SEMA3C: variants seen among roughly 807,000 people sequenced by gnomAD.
The protein encoded by SEMA3C is semaphorin 3C.
In SEMA3C, 47 loss-of-function variants were observed where a neutral mutation model predicts 89.4. That is an observed-to-expected ratio of 0.53 (90% CI 0.42 to 0.67). The LOEUF (loss-of-function observed/expected upper bound fraction) is 0.67. Among genes scored for constraint, SEMA3C ranks in the 30% least tolerant of loss-of-function variants. The pLI is 0.00. For synonymous variants in SEMA3C, 310 were observed against 320.2 expected (o/e 0.97, Z 0.34); for missense variants, 839 against 929.1 (o/e 0.90, Z 1.26).
chr7:80,791,618 C>G (rs1788942123), intron 11 of SEMA3C, among the ~76,000 whole-genome samples: 1 of 152,204 alleles, frequency 6.6e-6, no homozygotes, highest in South Asian at 2.1e-4. Context: ...GCAATGAACA[C>G]TTATCCAGCT....
At chr7:80,911,371 T>C (rs936803412) in intron 2 of SEMA3C, among the ~76,000 whole-genome samples, 1 of 152,188 alleles carries the variant, frequency 6.6e-6, no homozygotes, top group African/African-American at 2.4e-5. Context: ...AAAAGTAGTA[T>C]ACACCTAGGA....
rs919396094 is a variant in SEMA3C, at chr7:80,802,588, C to A, written c.916+77G>T. 8.1e-6 allele frequency: 7 copies of A among 866,084 alleles called. No homozygotes were observed. In the Admixed American group the frequency reaches 8.8e-5, roughly 11 times the overall value. 53.6% of individuals were successfully genotyped at this position (866,084 alleles called of 1,614,324 possible). A position where few individuals can be genotyped will look rare whatever the true frequency, so the allele number is the denominator to read the frequency against. On this transcript the variant is annotated intron_variant, in intron 9 of 17. Transcript: ENST00000265361. Reference sequence around the variant, plus strand: ...GCTGAAAATATGGAAAGTACATCTTCTTTTGAGACCTTATTTAAATATATA... The same window carrying A: ...GCTGAAAATATGGAAAGTACATCTTATTTTGAGACCTTATTTAAATATATA...
At chr7:80,769,864 C>CAAAAAAAA (rs1293174938) in intron 12 of SEMA3C, among the ~76,000 whole-genome samples, 1 of 46,672 alleles carries the variant, frequency 2.1e-5, no homozygotes, top group African/African-American at 9.9e-5. Flanking sequence ...GTCCCCCCCC[C>CAAAAAAAA]AAAAAAAAAA....
intron 5 of SEMA3C, among the ~76,000 whole-genome samples, chr7:80,813,388 C>T (rs957923833): frequency 3.9e-5 from 6 of 152,136 alleles, no homozygotes; most frequent in African/African-American, 1.2e-4. Flanking sequence ...GTTCTGTCAT[C>T]AAAAATTTCA....
At chr7:80,843,733 A>C (rs1294232600) in intron 2 of SEMA3C, among the ~76,000 whole-genome samples, 1 of 152,212 alleles carries the variant, frequency 6.6e-6, no homozygotes, top group Non-Finnish European at 1.5e-5. Flanking sequence ...CTAAATAAAA[A>C]TCTATTGAAT....
chr7:80,805,488 A>G (rs938311352), intron 7 of SEMA3C, 151 bp downstream of exon 7: 1 of 535,608 alleles, frequency 1.9e-6, no homozygotes, highest in Non-Finnish European at 3.0e-6. Context: ...ATTTTCCCCG[A>G]ATATTTTAAA....
chr7:80,821,915 C>T (rs1789757036), intron 4 of SEMA3C, among the ~76,000 whole-genome samples: 1 of 152,076 alleles, frequency 6.6e-6, no homozygotes, highest in Non-Finnish European at 1.5e-5. Context: ...AGCAGATTCC[C>T]ACACTATCTG....
At chr7:80,795,388 G>T (rs1031702447) in intron 11 of SEMA3C, among the ~76,000 whole-genome samples, 2 of 152,074 alleles carry the variant, frequency 1.3e-5, no homozygotes, top group Non-Finnish European at 2.9e-5. Flanking sequence ...ACAATTTTTT[G>T]ATTTAAAGGA....
chr7:80,888,217 A>T (rs1791528193), intron 2 of SEMA3C, among the ~76,000 whole-genome samples: 1 of 151,860 alleles, frequency 6.6e-6, no homozygotes, highest in African/African-American at 2.4e-5. Flanking sequence ...GTTGGAGACT[A>T]TCCTGGGCAA....
At chr7:80,772,523 G>A (rs931275880) in intron 12 of SEMA3C, among the ~76,000 whole-genome samples, 2 of 152,148 alleles carry the variant, frequency 1.3e-5, no homozygotes, top group Admixed American at 6.5e-5. Flanking sequence ...AGCCCTGGGG[G>A]TATTAGAGCC....
chr7:80,828,743 G>A lies in SEMA3C; in HGVS notation c.106C>T (p.Leu36Phe). The change falls in exon 3 of 18, where the codon CTT becomes TTT. Residue 36 changes from leucine to phenylalanine, a missense_variant and splice_region_variant. Leu to Phe is a conservative substitution (Grantham distance 22, BLOSUM62 0). Transcript: ENST00000265361. The stretch of plus-strand genomic sequence containing the variant: ...TATTCAGAGGTCTTGGTTTCTCGAA[G>A]TTCTGAAAGAGTGAACAGCACAAGT... ...QARVYLTFDE[L>F]RETKTSEYFS... 6.2e-7 allele frequency: 1 copy of A among 1,603,792 alleles called. No individual in the cohort carries two copies.
chr7:80,903,170 C>T (rs1791924934), intron 2 of SEMA3C, among the ~76,000 whole-genome samples: 1 of 152,130 alleles, frequency 6.6e-6, no homozygotes, highest in Admixed American at 6.5e-5. Flanking sequence ...ATTGTGCGAA[C>T]ATCATATATT....
chr7:80,819,234 C>T (rs764435176), intron 4 of SEMA3C, among the ~76,000 whole-genome samples: 15 of 152,064 alleles, frequency 9.9e-5, no homozygotes, highest in Non-Finnish European at 2.2e-4. Flanking sequence ...ATTAAAACAA[C>T]ATGGCTTATT....
chr7:80,919,281 C>A (rs1792359449), upstream of SEMA3C: 1 of 983,920 alleles, frequency 1.0e-6, no homozygotes, highest in Non-Finnish European at 1.2e-6. Flanking sequence ...GAGCTCGCGG[C>A]TGGCCAGACG....
At chr7:80,901,048 GA>G (rs1038581734) in intron 2 of SEMA3C, among the ~76,000 whole-genome samples, 11 of 152,178 alleles carry the variant, frequency 7.2e-5, no homozygotes, top group Admixed American at 1.3e-4. Flanking sequence ...CTGGATGGAG[GA>G]AATGAGTCAC....
intron 2 of SEMA3C, among the ~76,000 whole-genome samples, chr7:80,852,193 T>C (rs2115942712): frequency 6.6e-6 from 1 of 152,304 alleles, no homozygotes; most frequent in East Asian, 1.9e-4. Flanking sequence ...TCAGTAGGTA[T>C]CTGACAGAAA....
chr7:80,776,085 A>G (rs1405744), intron 12 of SEMA3C, among the ~76,000 whole-genome samples: 151,269 of 152,182 alleles, frequency 0.99, 75,187 homozygotes, highest in Middle Eastern at 1. Context: ...GTCTGCCCAA[A>G]AGCAGTTATG....
Position 80,903,965 on chromosome 7 carries a change from C to T in SEMA3C, c.103+12714G>A, listed in dbSNP as rs145932341. Reference sequence around the variant, plus strand: ...GAAAGTCTATTATCCCACCATTAGACACAGAGGGCATCTATTGCACAAACC... The same window carrying T: ...GAAAGTCTATTATCCCACCATTAGATACAGAGGGCATCTATTGCACAAACC... On this transcript the variant is annotated intron_variant, in intron 2 of 17. Transcript: ENST00000265361. Among the ~76,000 whole-genome samples, 9 of 152,252 alleles carry T rather than the reference C, an allele frequency of 5.9e-5. No homozygotes were observed. The East Asian group carries it at 1.7e-3, about 29-fold the overall frequency.
intron 2 of SEMA3C, chr7:80,905,955 G>GTTT: frequency 9.2e-7 from 1 of 1,082,700 alleles, no homozygotes; most frequent in Non-Finnish European, 1.2e-6. Context: ...ATTTTGTTTT[G>GTTT]TTTTTTTTTT....
Sources: allele counts gnomAD v4.1 joint callset (sites outside exome capture counted in the v4.1 genomes callset), GRCh38; gene constraint gnomAD v4.1.1; transcripts MANE v1.5; gene names NCBI Gene and HGNC (gene_info 2026-07-23, HGNC 2026-07-21).